CDK6: variants seen among roughly 807,000 people sequenced by gnomAD.
CDK6 encodes cyclin-dependent kinase 6.
CDK6 carries 6 observed loss-of-function variants against 37.1 expected under a neutral mutation model. That is an observed-to-expected ratio of 0.16 (90% CI 0.09 to 0.32). The LOEUF is 0.32. Ranked by LOEUF, CDK6 falls within the 10% of genes least tolerant of loss-of-function variation. The pLI is 1.00. For missense variants in CDK6, 224 were observed against 418.9 expected (o/e 0.53, Z 4.06); for synonymous variants, 160 against 161.3 (o/e 0.99, Z 0.06).
At chr7:92,625,219 A>C (rs1795897577) in intron 5 of CDK6, among the ~76,000 whole-genome samples, 1 of 141,890 alleles carries the variant, frequency 7.0e-6, no homozygotes, top group Admixed American at 7.1e-5. Context: ...GTGGTAACTA[A>C]ACACACACAC....
chr7:92,690,568 G>A (rs1398264826), intron 4 of CDK6, among the ~76,000 whole-genome samples: 1 of 152,088 alleles, frequency 6.6e-6, no homozygotes, highest in Middle Eastern at 3.2e-3. Flanking sequence ...CTCCAGCTTT[G>A]TTCAAAAAGA....
chr7:92,821,686 T>C (rs933069909), intron 2 of CDK6, among the ~76,000 whole-genome samples: 4 of 151,658 alleles, frequency 2.6e-5, no homozygotes, highest in Non-Finnish European at 5.9e-5. Flanking sequence ...TTCTTTTCCT[T>C]AATTCTTTCA....
intron 2 of CDK6, among the ~76,000 whole-genome samples, chr7:92,813,958 A>G (rs1251305582): frequency 6.6e-6 from 1 of 152,220 alleles, no homozygotes; most frequent in African/African-American, 2.4e-5. Context: ...AGTAAACTTG[A>G]GTATCCCGCA....
chr7:92,791,429 C>T lies in CDK6; in HGVS notation c.234-16598G>A, dbSNP rs549131719. On this transcript the variant is annotated intron_variant, in intron 2 of 7. Coordinates refer to ENST00000424848, the MANE Select transcript of CDK6 (RefSeq NM_001145306.2). ...ATATCCCAAATGTGAATAGATTTAG[C>T]TTTCTGAAAAATTTACCACAGGGCC... Among the ~76,000 whole-genome samples, 4 of 152,212 alleles carry T rather than the reference C, an allele frequency of 2.6e-5. No individual in the cohort carries two copies. The South Asian group carries it at 8.3e-4, about 32-fold the overall frequency.
chr7:92,644,649 AT>A (rs1248350783), intron 5 of CDK6, among the ~76,000 whole-genome samples: 4 of 152,214 alleles, frequency 2.6e-5, no homozygotes, highest in Non-Finnish European at 4.4e-5. Flanking sequence ...GAAGGCCAAA[AT>A]TCCTTTCCCA....
At chr7:92,713,499 T>C (rs1798149526) in intron 4 of CDK6, among the ~76,000 whole-genome samples, 1 of 152,110 alleles carries the variant, frequency 6.6e-6, no homozygotes, top group Non-Finnish European at 1.5e-5. Context: ...GTTCCCTGAC[T>C]TAAATTAATA....
chr7:92,782,702 G>A (rs1800023702), intron 2 of CDK6, among the ~76,000 whole-genome samples: 1 of 152,096 alleles, frequency 6.6e-6, no homozygotes. Context: ...CCACACCTGG[G>A]CCCAGTGTGT....
At chr7:92,755,158 TA>T (rs1562956305) in intron 3 of CDK6, among the ~76,000 whole-genome samples, 3 of 152,026 alleles carry the variant, frequency 2.0e-5, no homozygotes. Flanking sequence ...TTTGAAGGGT[TA>T]AAATATGGCA....
chr7:92,788,366 A>G (rs923307816), intron 2 of CDK6, among the ~76,000 whole-genome samples: 1 of 152,230 alleles, frequency 6.6e-6, no homozygotes, highest in Admixed American at 6.5e-5. Context: ...CTCATATACT[A>G]ATAATCTGTT....
intron 5 of CDK6, among the ~76,000 whole-genome samples, chr7:92,634,769 A>G (rs1056206037): frequency 1.3e-5 from 2 of 152,142 alleles, no homozygotes; most frequent in African/African-American, 4.8e-5. Context: ...ACATCCATCT[A>G]CATTTTTGAT....
chr7:92,789,027 G>C (rs1160861371), intron 2 of CDK6, among the ~76,000 whole-genome samples: 1 of 152,082 alleles, frequency 6.6e-6, no homozygotes, highest in African/African-American at 2.4e-5. Context: ...TCAGGAGGCT[G>C]AGACAGAAAG....
rs949410377 is a variant in CDK6, at chr7:92,761,137, A to G, written c.369+13559T>C. ...TATCATTTGCTTTTTAGTTTTATTT[A>G]TAATATTTTCAGTCTAAAATTTTTA... On this transcript the variant is annotated intron_variant, in intron 3 of 7. Coordinates refer to ENST00000424848, the MANE Select transcript of CDK6 (RefSeq NM_001145306.2). Among the ~76,000 whole-genome samples, 3 of 152,072 alleles carry G rather than the reference A, an allele frequency of 2.0e-5. 1 individual carries two copies. The highest frequency in any genetic ancestry group is 2.4e-5 in the African/African-American group (1 of 41,454).
At position 92,833,212 on chromosome 7, in the gene CDK6, G is replaced by C. The variant is rs759338099; in HGVS notation, c.112C>G (p.Arg38Gly). The C allele has an allele frequency of 6.2e-7, 1 of 1,610,242 alleles. No individual in the cohort carries two copies. The highest frequency in any genetic ancestry group is 8.5e-7 in the Non-Finnish European group (1 of 1,178,898). Residue 38 changes from arginine (R) to glycine (G), a missense_variant, in exon 2 of 8, where the codon CGT (arginine) becomes GGT (glycine). Arg to Gly is a moderately radical substitution (Grantham distance 125, BLOSUM62 -2). This residue lies in a region of CDK6 where 13 missense variants were observed against 43.8 expected (regional missense o/e 0.30). Transcript: ENST00000424848. This position sits in a 1 kb window ranked among gnomAD's most constrained non-coding sequence, Gnocchi z 6.1. ...FKARDLKNGG[R>G]FVALKRVRVQ... ...CGCACGCGCTTCAACGCCACGAAAC[G>C]GCCTCCGTTCTTCAAGTCGCGGGCC... is the stretch of plus-strand genomic sequence containing the variant.
At chr7:92,758,651 T>C (rs959927985) in intron 3 of CDK6, among the ~76,000 whole-genome samples, 1 of 152,196 alleles carries the variant, frequency 6.6e-6, no homozygotes, top group Non-Finnish European at 1.5e-5. Flanking sequence ...TGAAAATAGT[T>C]TTTCTCCTAG....
In CDK6 at chr7:92,749,567, T is replaced by C. The variant is rs559491177; in HGVS notation, c.370-23774A>G. On this transcript the variant is annotated intron_variant, in intron 3 of 7. Coordinates refer to ENST00000424848, the MANE Select transcript of CDK6 (RefSeq NM_001145306.2). ...ACCAAACCTGAAATTCTTCAGGGTATTCATATCAAATTCTCATTCCTATAA... is the reference window on the plus strand; with the variant it reads ...ACCAAACCTGAAATTCTTCAGGGTACTCATATCAAATTCTCATTCCTATAA... 1.6e-4 allele frequency among the ~76,000 whole-genome samples: 24 copies of C among 152,308 alleles called. No individual in the cohort carries two copies. In the South Asian group the frequency reaches 3.1e-3, roughly 20 times the overall value.
chr7:92,739,342 G>A (rs1417114118), intron 3 of CDK6, among the ~76,000 whole-genome samples: 2 of 152,190 alleles, frequency 1.3e-5, no homozygotes, highest in African/African-American at 4.8e-5. Flanking sequence ...TTCTGCATGT[G>A]CAAATGTACA....
At position 92,618,150 on chromosome 7, in the gene CDK6, C is replaced by T. The variant is rs2116484513; in HGVS notation, c.756G>A (p.Gln252=). The T allele has an allele frequency of 6.2e-7, 1 of 1,614,180 alleles. No individual in the cohort carries two copies. Among genetic ancestry groups the T allele is most frequent in the Admixed American group, 1.7e-5 (1 of 60,016 alleles). Residue 252 remains glutamine, a synonymous_variant, in exon 7 of 8, where the codon CAG becomes CAA. Coordinates refer to ENST00000424848, the MANE Select transcript of CDK6 (RefSeq NM_001145306.2). ...GTTGGGCAGATTTTGAATGAAAAGC[C>T]TGCCTGGGAAGGGCAACATCTCTAG... ...DWPRDVALPR[Q]AFHSKSAQPI...
At chr7:92,817,680 A>G (rs185359295) in intron 2 of CDK6, among the ~76,000 whole-genome samples, 1 of 151,610 alleles carries the variant, frequency 6.6e-6, no homozygotes, top group East Asian at 1.9e-4. Context: ...GAAATAAAAG[A>G]CATATATATA....
intron 3 of CDK6, among the ~76,000 whole-genome samples, chr7:92,753,655 G>A (rs1489441609): frequency 6.6e-6 from 1 of 151,698 alleles, no homozygotes; most frequent in East Asian, 1.9e-4. Flanking sequence ...ACCACGCCCA[G>A]CTAGTAAGAA....
Sources: allele counts gnomAD v4.1 joint callset (sites outside exome capture counted in the v4.1 genomes callset), GRCh38; gene constraint gnomAD v4.1.1; regional missense constraint gnomAD v4.1.1; non-coding constraint Gnocchi (gnomAD v3.1); transcripts MANE v1.5; gene names NCBI Gene and HGNC (gene_info 2026-07-23, HGNC 2026-07-21).